PRKCB: variants seen among roughly 807,000 people sequenced by gnomAD.
PRKCB encodes protein kinase C beta type.
Under a neutral mutation model 81.5 loss-of-function variants are expected in PRKCB, and 13 were observed. The observed-to-expected ratio is 0.16, with a 90% CI of 0.10 to 0.25. PRKCB has a LOEUF of 0.25. Ranked by LOEUF, PRKCB falls within the 10% of genes least tolerant of loss-of-function variation. PRKCB has a pLI of 1.00. For missense variants in PRKCB, 509 were observed against 875.7 expected, an observed-to-expected ratio of 0.58 and a Z score of 5.29; for synonymous variants, 335 against 321.4, an observed-to-expected ratio of 1.04 and a Z score of -0.45.
At chr16:23,997,499 T>C (rs1244604252) in intron 3 of PRKCB, among the ~76,000 whole-genome samples, 1 of 152,180 alleles carries the variant, frequency 6.6e-6, no homozygotes, top group Non-Finnish European at 1.5e-5. Flanking sequence ...TAGTTACAAA[T>C]ACCAGCTATG....
chr16:23,966,493 G>A (rs1964488993), intron 2 of PRKCB, among the ~76,000 whole-genome samples: 1 of 152,208 alleles, frequency 6.6e-6, no homozygotes, highest in African/African-American at 2.4e-5. Context: ...GAGCCAATAT[G>A]TGGAAAGTAT....
intron 6 of PRKCB, 98 bp downstream of exon 6, chr16:24,093,045 C>A: frequency 1.6e-6 from 2 of 1,253,580 alleles, no homozygotes; most frequent in East Asian, 2.5e-5. Flanking sequence ...CTGTTTCCTT[C>A]CTTCCCTACC....
chr16:24,198,552 G>A (rs191053267), intron 16 of PRKCB, among the ~76,000 whole-genome samples: 9 of 152,278 alleles, frequency 5.9e-5, no homozygotes, highest in Admixed American at 2.6e-4. Context: ...TGCCCAGGCT[G>A]GTGTCAAAAT....
intron 2 of PRKCB, among the ~76,000 whole-genome samples, chr16:23,962,702 T>C (rs1413965686): frequency 1.3e-5 from 2 of 152,170 alleles, no homozygotes; most frequent in Non-Finnish European, 2.9e-5. Flanking sequence ...GCCTGACAAT[T>C]GAGTCTAGGC....
intron 6 of PRKCB, among the ~76,000 whole-genome samples, 198 bp from the exon 7 acceptor site, chr16:24,093,965 T>G (rs1966408498): frequency 6.6e-6 from 1 of 152,258 alleles, no homozygotes; most frequent in Non-Finnish European, 1.5e-5. Flanking sequence ...GACCTCTGCC[T>G]GTTTAAGCCA....
rs1437920226 is a variant in PRKCB, at chr16:24,021,317, T to C, written c.289-10819T>C. Among the ~76,000 whole-genome samples, 38 of 41,412 alleles carry C rather than the reference T, an allele frequency of 9.2e-4. 4 individuals are homozygous for C. The highest frequency in any genetic ancestry group is 2.0e-3 in the African/African-American group (17 of 8,334). The allele number at this position is 41,412 out of a possible 152,430, so 27.2% of individuals were successfully genotyped here. A position where few individuals can be genotyped will look rare whatever the true frequency, so the allele number is the denominator to read the frequency against. The stretch of plus-strand genomic sequence containing the variant: ...TCCCTTCCTTCCTTCCTTCCTTCCT[T>C]CCTTCCTTCCTTCCTTCCTTCCTTC... On this transcript the variant is annotated intron_variant, in intron 3 of 16. Coordinates refer to ENST00000643927, the MANE Select transcript of PRKCB (RefSeq NM_002738.7).
At chr16:24,073,065 C>T (rs1966133460) in intron 5 of PRKCB, among the ~76,000 whole-genome samples, 1 of 152,222 alleles carries the variant, frequency 6.6e-6, no homozygotes, top group Admixed American at 6.5e-5. Context: ...TCCTCTGCCT[C>T]TCTGGCCTTG....
At chr16:23,964,351 G>C (rs1225253663) in intron 2 of PRKCB, among the ~76,000 whole-genome samples, 3 of 152,200 alleles carry the variant, frequency 2.0e-5, no homozygotes, top group Non-Finnish European at 1.5e-5. Context: ...AGCTGTGCCT[G>C]TTTGTTTATG....
chr16:23,926,463 G>A (rs1463609487), intron 2 of PRKCB, among the ~76,000 whole-genome samples: 1 of 46,734 alleles, frequency 2.1e-5, no homozygotes, highest in Non-Finnish European at 4.0e-5. Flanking sequence ...CAGCCTGGGC[G>A]ACAGAGTGAG....
At chr16:24,081,267 A>T (rs11643743) in intron 5 of PRKCB, among the ~76,000 whole-genome samples, 11,452 of 151,968 alleles carry the variant, frequency 0.075, 623 homozygotes, top group African/African-American at 0.13. Context: ...TTAATAATAA[A>T]AAAAAAAATC....
chr16:23,837,331 G>A (rs1250917165), intron 1 of PRKCB, 44 bp from the exon 2 acceptor site: 3 of 1,612,306 alleles, frequency 1.9e-6, no homozygotes, highest in African/African-American at 2.7e-5. Context: ...CTGGAGGCTG[G>A]GCCCCCCGGG....
chr16:24,019,096 G>C (rs939645292), intron 3 of PRKCB, among the ~76,000 whole-genome samples: 6 of 151,580 alleles, frequency 4.0e-5, no homozygotes, highest in African/African-American at 1.2e-4. Flanking sequence ...AAAAGTCTGT[G>C]CTGAGAAGTT....
At chr16:23,931,803 T>G (rs1009982154) in intron 2 of PRKCB, among the ~76,000 whole-genome samples, 2 of 152,208 alleles carry the variant, frequency 1.3e-5, no homozygotes, top group Admixed American at 1.3e-4. Context: ...TTAGGATGAC[T>G]TGAAAGCCTA....
intron 2 of PRKCB, among the ~76,000 whole-genome samples, chr16:23,982,157 C>T (rs928889776): frequency 1.7e-4 from 7 of 41,200 alleles, no homozygotes; most frequent in African/African-American, 7.1e-4. Flanking sequence ...TTCCCTTCCC[C>T]TTCCCTTTCC....
intron 9 of PRKCB, among the ~76,000 whole-genome samples, chr16:24,141,870 C>T (rs912650736): frequency 1.3e-5 from 2 of 152,184 alleles, no homozygotes; most frequent in African/African-American, 2.4e-5. Flanking sequence ...GATTTCATAG[C>T]GACATTGGTC....
At chr16:24,033,104 T>A (rs2141855533) in intron 4 of PRKCB, among the ~76,000 whole-genome samples, 1 of 152,246 alleles carries the variant, frequency 6.6e-6, no homozygotes, top group South Asian at 2.1e-4. Context: ...GCAGACAGGC[T>A]TTGAGAGCTA....
intron 2 of PRKCB, among the ~76,000 whole-genome samples, chr16:23,909,601 T>C (rs1963618856): frequency 6.6e-6 from 1 of 152,212 alleles, no homozygotes; most frequent in Non-Finnish European, 1.5e-5. Context: ...AAGTAATTTC[T>C]CATCCCTCAC....
chr16:24,119,789 C>A (rs561906825), intron 8 of PRKCB, among the ~76,000 whole-genome samples: 1 of 152,058 alleles, frequency 6.6e-6, no homozygotes, highest in Non-Finnish European at 1.5e-5. Flanking sequence ...GCCTCTACAC[C>A]CCAAATCTCT....
At chr16:24,041,801 T>G in intron 5 of PRKCB, among the ~76,000 whole-genome samples, 1 of 151,904 alleles carries the variant, frequency 6.6e-6, no homozygotes, top group East Asian at 1.9e-4. Flanking sequence ...AAGACCAACG[T>G]GACAAAACCC....
Sources: allele counts gnomAD v4.1 joint callset (sites outside exome capture counted in the v4.1 genomes callset), GRCh38; gene constraint gnomAD v4.1.1; transcripts MANE v1.5; gene names NCBI Gene and HGNC (gene_info 2026-07-23, HGNC 2026-07-21).